The following ZSWIM7 variants were observed in gnomAD, a reference collection of about 807,000 sequenced individuals.
The protein encoded by ZSWIM7 is zinc finger SWIM domain-containing protein 7.
Under a neutral mutation model 21.1 loss-of-function variants are expected in ZSWIM7, and 22 were observed. That is an observed-to-expected ratio of 1.04 (90% CI 0.74 to 1.49). ZSWIM7 has a LOEUF of 1.49. Ranked by LOEUF, ZSWIM7 falls within the 40% of genes most tolerant of loss-of-function variation. The probability of loss-of-function intolerance (pLI) is 0.00; values close to 1 mark genes in which losing one functional copy is unlikely to be tolerated. For missense variants in ZSWIM7, 193 were observed against 168.0 expected, an observed-to-expected ratio of 1.15 and a Z score of -0.82; for synonymous variants, 67 against 66.5, an observed-to-expected ratio of 1.01 and a Z score of -0.04.
At chr17:15,989,162 T>A (rs1970451787) in intron 2 of ZSWIM7, among the ~76,000 whole-genome samples, 1 of 152,194 alleles carries the variant, frequency 6.6e-6, no homozygotes, top group South Asian at 2.1e-4. Context: ...AATAAGGCTA[T>A]CCAACTGTTA....
At position 15,977,091 on chromosome 17, in the gene ZSWIM7, C is replaced by T. The variant is rs1393785981; in HGVS notation, c.*956G>A. 6.6e-6 allele frequency: 1 copy of T among 152,080 alleles called. No homozygotes were observed. The highest frequency in any genetic ancestry group is 1.9e-4 in the East Asian group (1 of 5,186). The allele number at this position is 152,080 out of a possible 1,614,324, so 9.4% of individuals were successfully genotyped here. Reference sequence around the variant, plus strand: ...GATTTTTAGTCTGTTCCTTCAATTGCCCTGTTGTAAAGATCAGAAGTGCAG... The same window carrying T: ...GATTTTTAGTCTGTTCCTTCAATTGTCCTGTTGTAAAGATCAGAAGTGCAG... On this transcript the variant is annotated 3_prime_UTR_variant, in exon 5 of 5. Transcript: ENST00000399277.
At chr17:15,980,547 G>A (rs138600504) in intron 4 of ZSWIM7, among the ~76,000 whole-genome samples, 85 of 152,328 alleles carry the variant, frequency 5.6e-4, no homozygotes, top group East Asian at 4.8e-3. Flanking sequence ...TAAGGTGTGT[G>A]TGAGTATGTC....
intron 2 of ZSWIM7, among the ~76,000 whole-genome samples, chr17:15,992,191 C>T (rs928622310): frequency 4.6e-5 from 7 of 152,004 alleles, no homozygotes; most frequent in South Asian, 4.2e-4. Flanking sequence ...CCTCCCAAAG[C>T]GTTGGGATTA....
chr17:15,990,003 G>A (rs1386239167), intron 2 of ZSWIM7, among the ~76,000 whole-genome samples: 2 of 152,032 alleles, frequency 1.3e-5, no homozygotes, highest in Non-Finnish European at 2.9e-5. Context: ...GGTGGCTCAC[G>A]AGGTCAGCAG....
At chr17:15,997,618 G>C (rs1268532380) in intron 1 of ZSWIM7, among the ~76,000 whole-genome samples, 1 of 152,104 alleles carries the variant, frequency 6.6e-6, no homozygotes, top group East Asian at 1.9e-4. Context: ...TGAAGAATGG[G>C]GGTTAGGAAG....
In ZSWIM7 at chr17:15,984,409, CAGA is replaced by C. The variant is rs1160905770; in HGVS notation, c.201+2854_201+2856del. On this transcript the variant is annotated intron_variant, in intron 3 of 4. Transcript: ENST00000399277. The stretch of plus-strand genomic sequence containing the variant: ...GCTTATAGTCTGGAATGTTTATCCC[CAGA>C]AGGAGAGAGCTTTTTAAAAAAGGAA... 9.2e-5 allele frequency among the ~76,000 whole-genome samples: 14 copies of C among 152,286 alleles called. No individual in the cohort carries two copies. The East Asian group carries it at 2.1e-3, about 23-fold the overall frequency.
At chr17:15,998,179 T>C (rs1970587765) in intron 1 of ZSWIM7, among the ~76,000 whole-genome samples, 1 of 152,026 alleles carries the variant, frequency 6.6e-6, no homozygotes, top group Non-Finnish European at 1.5e-5. Context: ...CTGGCGATTA[T>C]TGTTTAAAGT....
chr17:15,984,415 G>C (rs552695328), intron 3 of ZSWIM7, among the ~76,000 whole-genome samples: 1 of 152,322 alleles, frequency 6.6e-6, no homozygotes, highest in South Asian at 2.1e-4. Flanking sequence ...TCCCCAGAAG[G>C]AGAGAGCTTT....
intron 2 of ZSWIM7, among the ~76,000 whole-genome samples, chr17:15,992,630 G>C (rs1970500678): frequency 6.6e-6 from 1 of 151,856 alleles, no homozygotes; most frequent in Admixed American, 6.6e-5. Context: ...ATAGTGACAG[G>C]GTTTCTCCAT....
chr17:15,994,515 T>C (rs540186260), intron 1 of ZSWIM7, among the ~76,000 whole-genome samples: 1 of 152,168 alleles, frequency 6.6e-6, no homozygotes, highest in African/African-American at 2.4e-5. Context: ...AATAAGACTC[T>C]TTTCGAGTAC....
intron 2 of ZSWIM7, 58 bp from the exon 3 acceptor site, chr17:15,987,426 C>G: frequency 6.9e-7 from 1 of 1,440,324 alleles, no homozygotes; most frequent in Non-Finnish European, 9.6e-7. Context: ...ACCTCAGTAA[C>G]TTGCCCAAAG....
chr17:15,999,467 G>T (rs749487845), intron 1 of ZSWIM7, 52 bp downstream of exon 1: 17 of 1,583,242 alleles, frequency 1.1e-5, no homozygotes, highest in African/African-American at 2.7e-5. Context: ...GGCGGTGCCC[G>T]GATGCCCCGC....
At chr17:15,981,833 T>C (rs1970359726) in intron 3 of ZSWIM7, among the ~76,000 whole-genome samples, 1 of 152,188 alleles carries the variant, frequency 6.6e-6, no homozygotes, top group Admixed American at 6.5e-5. Context: ...GGAGGACTGC[T>C]TGAGCCTGGG....
intron 1 of ZSWIM7, among the ~76,000 whole-genome samples, chr17:15,999,136 T>A: frequency 6.6e-6 from 1 of 152,136 alleles, no homozygotes; most frequent in East Asian, 1.9e-4. Flanking sequence ...ATTCAAAATT[T>A]CGTGTAAAAT....
At chr17:15,994,449 C>T (rs1240818272) in intron 1 of ZSWIM7, among the ~76,000 whole-genome samples, 1 of 152,184 alleles carries the variant, frequency 6.6e-6, no homozygotes, top group East Asian at 1.9e-4. Flanking sequence ...CTTCCCCAAA[C>T]CCTAACGAAT....
At chr17:15,979,672 C>G (rs1283943407) in intron 4 of ZSWIM7, among the ~76,000 whole-genome samples, 1 of 129,800 alleles carries the variant, frequency 7.7e-6, no homozygotes, top group African/African-American at 3.1e-5. Context: ...GAGGACTGAC[C>G]CCCCCCACCT....
intron 2 of ZSWIM7, among the ~76,000 whole-genome samples, chr17:15,992,871 GTATTTTT>G (rs956618964): frequency 7.2e-5 from 11 of 152,132 alleles, no homozygotes; most frequent in Admixed American, 1.3e-4. Context: ...GTTTCTAAGA[GTATTTTT>G]TATTTTTTAT....
rs1158332806 is a variant in ZSWIM7, at chr17:15,999,622, C to A, written c.-28G>T. On this transcript the variant is annotated 5_prime_UTR_variant, in exon 1 of 5. Transcript: ENST00000399277. ...CGCCGCAGGACACGCCCTCCACGACCGGCGGACCGCCGCGACGCTCCAGCT... is the reference window on the plus strand; with the variant it reads ...CGCCGCAGGACACGCCCTCCACGACAGGCGGACCGCCGCGACGCTCCAGCT... 1.3e-6 allele frequency: 2 copies of A among 1,566,326 alleles called. No individual in the cohort carries two copies. Among genetic ancestry groups the A allele is most frequent in the South Asian group, 2.3e-5 (2 of 85,914 alleles).
rs564691602 is a variant in ZSWIM7 at position 15,982,988 on chromosome 17, G to A, written c.202-1844C>T. Among the ~76,000 whole-genome samples, 127 of 152,172 alleles carry A rather than the reference G, an allele frequency of 8.3e-4. 3 individuals are homozygous for A. Among genetic ancestry groups the A allele is most frequent in the African/African-American group, 3.0e-3 (123 of 41,500 alleles). ...TTTTTGACGCAGTCAGAATTCCTCG[G>A]GAGATTTTAGGTTACCAGAAATAGC... On this transcript the variant is annotated intron_variant, in intron 3 of 4. Coordinates refer to ENST00000399277, the MANE Select transcript of ZSWIM7 (RefSeq NM_001042697.2).
Sources: gnomAD v4.1 joint callset for allele counts (sites outside exome capture counted in the v4.1 genomes callset) on GRCh38, gnomAD v4.1.1 for gene constraint, MANE v1.5 for transcripts, NCBI Gene and HGNC (gene_info 2026-07-23, HGNC 2026-07-21) for gene names.